The following TASL variants were observed in gnomAD, a reference collection of about 807,000 sequenced individuals.
TASL encodes TLR adaptor interacting with endolysosomal SLC15A4, also known as TLR adapter interacting with SLC15A4 on the lysosome.
A neutral mutation model predicts 12.9 loss-of-function variants in TASL; 6 were observed. That is an observed-to-expected ratio of 0.46 (90% CI 0.25 to 0.92). The LOEUF is 0.92. Among genes scored for constraint, TASL ranks in the 40% least tolerant of loss-of-function variants. TASL has a pLI of 0.17. For synonymous variants in TASL, 85 were observed against 79.3 expected (o/e 1.07, Z -0.38); for missense variants, 165 against 212.8 (o/e 0.78, Z 1.40).
At chrX:30,565,151 T>C (rs1930480446) in intron 2 of TASL, among the ~76,000 whole-genome samples, 1 of 111,465 alleles carries the variant, frequency 9.0e-6, no homozygotes, top group South Asian at 3.8e-4. Context: ...AGGTGGTTTT[T>C]AGTGAGGGCT....
At chrX:30,572,075 G>A (rs763824455) in intron 2 of TASL, among the ~76,000 whole-genome samples, 3 of 111,329 alleles carry the variant, frequency 2.7e-5, no homozygotes, top group Admixed American at 9.6e-5. Context: ...TTGGTTAGGC[G>A]TGAAGGAAAA....
At chrX:30,562,725 A>C (rs1930444028) in intron 2 of TASL, among the ~76,000 whole-genome samples, 1 of 111,010 alleles carries the variant, frequency 9.0e-6, no homozygotes, top group Non-Finnish European at 1.9e-5. Context: ...CCTGATTGAC[A>C]GTGAGTACTT....
At chrX:30,562,950 A>T (rs892995500) in intron 2 of TASL, among the ~76,000 whole-genome samples, 1 of 110,074 alleles carries the variant, frequency 9.1e-6, no homozygotes, top group African/African-American at 3.3e-5. Flanking sequence ...ACAAAAAAAA[A>T]ACAACAGGAG....
At position 30,559,248 on chromosome X, in the gene TASL, C is replaced by T; in HGVS notation, c.*202G>A. 1 of 359,923 alleles carries T rather than the reference C, an allele frequency of 2.8e-6. No individual in the cohort carries two copies. Among genetic ancestry groups the T allele is most frequent in the Non-Finnish European group, 4.8e-6 (1 of 207,916 alleles). The allele number at this position is 359,923 out of a possible 1,213,427, so 29.7% of individuals were successfully genotyped here. A position where few individuals can be genotyped will look rare whatever the true frequency, so the allele number is the denominator to read the frequency against. ...TACACACCTCTCTTTGAAATCATTC[C>T]TTATGGCTCCTCTTACCATATTCCT... On this transcript the variant is annotated 3_prime_UTR_variant, in exon 3 of 3. Coordinates refer to ENST00000378962, the MANE Select transcript of TASL (RefSeq NM_025159.3).
chrX:30,571,256 G>GAGAAAGAAAGAA lies in TASL; in HGVS notation c.-2+5484_-2+5495dup, dbSNP rs58163494. Among the ~76,000 whole-genome samples the GAGAAAGAAAGAA allele has an allele frequency of 3.4e-3, 126 of 36,798 alleles. 6 individuals carry two copies. Among genetic ancestry groups the GAGAAAGAAAGAA allele is most frequent in the African/African-American group, 4.6e-3 (34 of 7,382 alleles). 32.0% of individuals were successfully genotyped at this position (36,798 alleles called of 115,157 possible). A position where few individuals can be genotyped will look rare whatever the true frequency, so the allele number is the denominator to read the frequency against. ...GGAAGGAAGGAAAAAGAGAAAGAAAGAGAAAGAAAGAAAGAAAGAAAGAAA... is the reference window on the plus strand; with the variant it reads ...GGAAGGAAGGAAAAAGAGAAAGAAAGAGAAAGAAAGAAAGAAAGAAAGAAAGAAAGAAAGAAA... On this transcript the variant is annotated intron_variant, in intron 2 of 2. Transcript: ENST00000378962.
At chrX:30,567,772 G>A (rs1411138436) in intron 2 of TASL, among the ~76,000 whole-genome samples, 1 of 111,056 alleles carries the variant, frequency 9.0e-6, no homozygotes, top group African/African-American at 3.3e-5. Context: ...AAGAAATGAT[G>A]GTAAATATCA....
chrX:30,573,366 G>A (rs1294082359), intron 2 of TASL, among the ~76,000 whole-genome samples: 1 of 112,510 alleles, frequency 8.9e-6, no homozygotes, highest in Non-Finnish European at 1.9e-5. Flanking sequence ...AACAGCACTT[G>A]CCAAATAAAA....
chrX:30,570,342 T>C (rs754733137), intron 2 of TASL, among the ~76,000 whole-genome samples: 22 of 111,461 alleles, frequency 2.0e-4, no homozygotes, highest in African/African-American at 7.2e-4. Context: ...GCAGTGGTTT[T>C]AGTTTAGTTG....
intron 2 of TASL, among the ~76,000 whole-genome samples, chrX:30,569,872 G>T (rs1278884647): frequency 5.4e-5 from 6 of 110,199 alleles, no homozygotes; most frequent in Non-Finnish European, 1.1e-4. Context: ...TTAGCTGGGG[G>T]TAGTGGCGTG....
At chrX:30,573,442 G>A (rs1035398809) in intron 2 of TASL, among the ~76,000 whole-genome samples, 2 of 112,645 alleles carry the variant, frequency 1.8e-5, no homozygotes, top group Non-Finnish European at 3.8e-5. Context: ...ACCCCAGAGG[G>A]GTGGCCCAGA....
intron 2 of TASL, among the ~76,000 whole-genome samples, chrX:30,561,713 G>C (rs987746608): frequency 9.2e-6 from 1 of 108,213 alleles, no homozygotes; most frequent in African/African-American, 3.4e-5. Context: ...TTCTCTTTTG[G>C]AACTATTCCT....
intron 1 of TASL, 127 bp from the exon 2 acceptor site, chrX:30,576,993 C>T (rs915344303): frequency 8.9e-6 from 1 of 112,407 alleles, no homozygotes; most frequent in African/African-American, 3.2e-5. Flanking sequence ...TCAAACAAAA[C>T]TCCACTCGTA....
At chrX:30,575,757 T>C (rs1930695182) in intron 2 of TASL, among the ~76,000 whole-genome samples, 1 of 111,943 alleles carries the variant, frequency 8.9e-6, no homozygotes, top group Non-Finnish European at 1.9e-5. Flanking sequence ...TGACCAAAGT[T>C]AATGGCTACT....
intron 2 of TASL, among the ~76,000 whole-genome samples, chrX:30,572,802 C>T (rs1930647379): frequency 1.8e-5 from 2 of 111,801 alleles, no homozygotes; most frequent in South Asian, 7.4e-4. Flanking sequence ...TCTGTTGCAG[C>T]CCTGCTGGCC....
chrX:30,566,121 G>A (rs1221492731), intron 2 of TASL, among the ~76,000 whole-genome samples: 1 of 111,198 alleles, frequency 9.0e-6, no homozygotes, highest in Non-Finnish European at 1.9e-5. Context: ...AGCATACTAT[G>A]ACAGTTATTT....
At chrX:30,562,956 A>G (rs777298706) in intron 2 of TASL, among the ~76,000 whole-genome samples, 127 of 109,494 alleles carry the variant, frequency 1.2e-3, no homozygotes, top group Middle Eastern at 4.7e-3. Flanking sequence ...AAAAAACAAC[A>G]GGAGAAGAGA....
intron 1 of TASL, 97 bp downstream of exon 1, chrX:30,577,541 A>T (rs1930726389): frequency 8.9e-6 from 1 of 112,159 alleles, no homozygotes; most frequent in Admixed American, 9.5e-5. Context: ...ATAAGAATGG[A>T]TCAGCGCTCT....
rs1301259029 is a variant in TASL at position 30,558,976 on chromosome X, T to C, written c.*474A>G. 9.0e-6 allele frequency: 1 copy of C among 110,775 alleles called. No homozygotes were observed. The highest frequency in any genetic ancestry group is 1.9e-5 in the Non-Finnish European group (1 of 53,182). 9.1% of individuals were successfully genotyped at this position (110,775 alleles called of 1,213,427 possible). On this transcript the variant is annotated 3_prime_UTR_variant, in exon 3 of 3. Transcript: ENST00000378962. Reference sequence around the variant, plus strand: ...GTACCCACCACCATGTCCAGCTAATTTTTTGTATTTTTAGTAGAGATGGGG... The same window carrying C: ...GTACCCACCACCATGTCCAGCTAATCTTTTGTATTTTTAGTAGAGATGGGG...
intron 2 of TASL, among the ~76,000 whole-genome samples, chrX:30,563,665 T>C (rs1343076106): frequency 8.9e-6 from 1 of 112,036 alleles, no homozygotes; most frequent in Middle Eastern, 4.6e-3. Context: ...AGAGGGTCTC[T>C]GGAGTAGGGA....
Sources: allele counts gnomAD v4.1 joint callset (sites outside exome capture counted in the v4.1 genomes callset), GRCh38; gene constraint gnomAD v4.1.1; transcripts MANE v1.5; gene names NCBI Gene and HGNC (gene_info 2026-07-23, HGNC 2026-07-21).